The following PLEKHM2 variants were observed in gnomAD, a reference collection of about 807,000 sequenced individuals.
PLEKHM2 encodes the protein pleckstrin homology domain-containing family M member 2.
Under a neutral mutation model 116.3 loss-of-function variants are expected in PLEKHM2, and 77 were observed. The ratio of observed to expected loss-of-function variants is 0.66; its 90% CI spans 0.55 to 0.80. The LOEUF is 0.80. PLEKHM2 is among the 30% of genes least tolerant of loss of function. PLEKHM2 has a pLI of 0.00. For missense variants in PLEKHM2, 1,183 were observed against 1,354.9 expected, an observed-to-expected ratio of 0.87 and a Z score of 1.99; for synonymous variants, 562 against 571.0, an observed-to-expected ratio of 0.98 and a Z score of 0.22.
rs1001068516 is a variant in PLEKHM2 at position 15,727,813 on chromosome 1, G to A, written c.1741G>A (p.Val581Ile). ...DEGQGSPSEM[V>I]HSSEFRVDNN... Reference sequence around the variant, plus strand: ...GGGACAGGGGAGCCCTTCGGAGATGGTCCATTCCTCGGAGTTCAGGTAACA... The same window carrying A: ...GGGACAGGGGAGCCCTTCGGAGATGATCCATTCCTCGGAGTTCAGGTAACA... The change falls in exon 9 of 20, where the codon GTC becomes ATC. Residue 581 changes from valine (V) to isoleucine (I), a missense_variant. Physicochemically the swap from Val to Ile is conservative, Grantham distance 29. Coordinates refer to ENST00000375799, the MANE Select transcript of PLEKHM2 (RefSeq NM_015164.4). The surrounding 1 kb of genome is among the most constrained non-coding windows in gnomAD (Gnocchi z 7.5). 25 of 1,587,424 alleles carry A rather than the reference G, an allele frequency of 1.6e-5. No homozygotes were observed. Among genetic ancestry groups the A allele is most frequent in the Non-Finnish European group, 2.1e-5 (25 of 1,166,430 alleles).
chr1:15,694,455 T>C (rs1034014766), intron 1 of PLEKHM2, among the ~76,000 whole-genome samples: 1 of 152,084 alleles, frequency 6.6e-6, no homozygotes, highest in South Asian at 2.1e-4. Flanking sequence ...GGCCCCGAGC[T>C]CTCCTCCTTG....
intron 1 of PLEKHM2, among the ~76,000 whole-genome samples, chr1:15,690,997 G>T (rs1640878017): frequency 6.6e-6 from 1 of 152,246 alleles, no homozygotes; most frequent in Non-Finnish European, 1.5e-5. Flanking sequence ...GATCAGGGAA[G>T]ATTCCCTAAG....
chr1:15,727,411 G>C lies in PLEKHM2; in HGVS notation c.1339G>C (p.Glu447Gln). The C allele has an allele frequency of 3.7e-6, 6 of 1,605,536 alleles. No individual in the cohort carries two copies. The highest frequency in any genetic ancestry group is 5.1e-6 in the Non-Finnish European group (6 of 1,176,778). ...GACCGGCTCTCCCGGGGATGCCCCG[G>C]AGAGGCCGCCGCTTTGCGACTTTAG... is the stretch of plus-strand genomic sequence containing the variant. Reference protein sequence around the residue: ...FRTGSPGDAPERPPLCDFSEG... With the variant: ...FRTGSPGDAPQRPPLCDFSEG... The change falls in exon 9 of 20, where the codon GAG (glutamate) becomes CAG (glutamine). Residue 447 changes from glutamate (E) to glutamine (Q), a missense_variant. This residue lies in a region of PLEKHM2 where 372 missense variants were observed against 357.2 expected (regional missense o/e 1.04). Transcript: ENST00000375799. This position sits in a 1 kb window ranked among gnomAD's most constrained non-coding sequence, Gnocchi z 7.5.
At position 15,733,788 on chromosome 1, in the gene PLEKHM2, C is replaced by T. The variant is rs770736460; in HGVS notation, c.2923-9C>T. The T allele has an allele frequency of 9.3e-6, 15 of 1,612,316 alleles. No homozygotes were observed. The South Asian group carries it at 1.4e-4, about 15-fold the overall frequency. On this transcript the variant is annotated splice_polypyrimidine_tract_variant and intron_variant, in intron 19 of 19. Coordinates refer to ENST00000375799, the MANE Select transcript of PLEKHM2 (RefSeq NM_015164.4). ...GGCCCTCATCTGTTCTCTGCACGCCCCAACACAGGTGGACCTCCCCCACAC... is the reference window on the plus strand; with the variant it reads ...GGCCCTCATCTGTTCTCTGCACGCCTCAACACAGGTGGACCTCCCCCACAC...
chr1:15,706,839 G>A lies in PLEKHM2; in HGVS notation c.61-9398G>A, dbSNP rs117276475. On this transcript the variant is annotated intron_variant, in intron 1 of 19. Transcript: ENST00000375799. Reference sequence around the variant, plus strand: ...TTTGCACTAATTTATCTCTGCCACCGTGTCTGATATGTACATAGCAGGTGC... The same window carrying A: ...TTTGCACTAATTTATCTCTGCCACCATGTCTGATATGTACATAGCAGGTGC... Among the ~76,000 whole-genome samples, 135 of 152,170 alleles carry A rather than the reference G, an allele frequency of 8.9e-4. 2 individuals carry two copies. In the East Asian group the frequency reaches 0.023, roughly 25 times the overall value.
intron 1 of PLEKHM2, among the ~76,000 whole-genome samples, chr1:15,708,940 T>C (rs567621361): frequency 6.6e-6 from 1 of 152,318 alleles, no homozygotes; most frequent in African/African-American, 2.4e-5. Context: ...TTGGTAAACA[T>C]AGTATAAGCA....
At chr1:15,699,014 A>T (rs1296368794) in intron 1 of PLEKHM2, among the ~76,000 whole-genome samples, 1 of 152,066 alleles carries the variant, frequency 6.6e-6, no homozygotes, top group Non-Finnish European at 1.5e-5. Context: ...GTGGAACCTC[A>T]GGTGAAGGAT....
chr1:15,696,541 G>C (rs1641000889), intron 1 of PLEKHM2, among the ~76,000 whole-genome samples: 2 of 152,084 alleles, frequency 1.3e-5, no homozygotes, highest in South Asian at 4.1e-4. Flanking sequence ...AGTAGAGACG[G>C]GGTTTCATCA....
chr1:15,695,978 ATAT>A (rs1640987779), intron 1 of PLEKHM2, among the ~76,000 whole-genome samples: 1 of 46,796 alleles, frequency 2.1e-5, no homozygotes, highest in Non-Finnish European at 3.4e-5. Context: ...AATTTTTTCT[ATAT>A]TTTTTTTTTT....
chr1:15,700,672 A>C (rs1641091623), intron 1 of PLEKHM2, among the ~76,000 whole-genome samples: 1 of 152,200 alleles, frequency 6.6e-6, no homozygotes, highest in African/African-American at 2.4e-5. Flanking sequence ...TCTGCTTCCT[A>C]ACCAAATGGT....
intron 1 of PLEKHM2, among the ~76,000 whole-genome samples, chr1:15,687,525 T>A (rs1423656727): frequency 6.6e-6 from 1 of 152,190 alleles, no homozygotes; most frequent in East Asian, 1.9e-4. Flanking sequence ...GTAGCTTTTT[T>A]CTTTGTGCAA....
Position 15,728,011 on chromosome 1 carries a change from G to A in PLEKHM2, c.1761-68G>A, listed in dbSNP as rs1389472121. ...GGCGGAGGCACTACCCCCTGGCTCT[G>A]GGGTGGGGTGTGGCCTCTCTCACCG... On this transcript the variant is annotated intron_variant, in intron 9 of 19. Coordinates refer to ENST00000375799, the MANE Select transcript of PLEKHM2 (RefSeq NM_015164.4). The surrounding 1 kb of genome is among the most constrained non-coding windows in gnomAD (Gnocchi z 5.9). 1 of 1,369,680 alleles carries A rather than the reference G, an allele frequency of 7.3e-7. No individual in the cohort carries two copies. Among genetic ancestry groups the A allele is most frequent in the African/African-American group, 1.4e-5 (1 of 69,730 alleles). The allele number at this position is 1,369,680 out of a possible 1,614,324, so 84.8% of individuals were successfully genotyped here. A position where few individuals can be genotyped will look rare whatever the true frequency, so the allele number is the denominator to read the frequency against.
At chr1:15,724,842 G>A (rs1382262820) in intron 7 of PLEKHM2, among the ~76,000 whole-genome samples, 1 of 152,116 alleles carries the variant, frequency 6.6e-6, no homozygotes, top group Non-Finnish European at 1.5e-5. Context: ...AGGACTTTGG[G>A]CACCTCTCAG....
At chr1:15,726,218 T>C (rs2068062042) in intron 8 of PLEKHM2, among the ~76,000 whole-genome samples, 1 of 152,218 alleles carries the variant, frequency 6.6e-6, no homozygotes, top group Non-Finnish European at 1.5e-5. Context: ...ATACAATTTC[T>C]GAGATTCATT....
Position 15,706,952 on chromosome 1 carries a change from A to G in PLEKHM2, c.61-9285A>G, listed in dbSNP as rs79310699. Among the ~76,000 whole-genome samples, 1,136 of 152,290 alleles carry G rather than the reference A, an allele frequency of 7.5e-3. 16 individuals carry two copies. Among genetic ancestry groups the G allele is most frequent in the African/African-American group, 0.026 (1,072 of 41,556 alleles). On this transcript the variant is annotated intron_variant, in intron 1 of 19. Transcript: ENST00000375799. ...CTGAACTGAGCTTTGAGCAAGAGGC[A>G]GCTCCTCAGCCGAGCCTATCACAAG...
intron 1 of PLEKHM2, among the ~76,000 whole-genome samples, chr1:15,713,302 G>A (rs1641373261): frequency 6.6e-6 from 1 of 151,458 alleles, no homozygotes. Flanking sequence ...TTTTTCTTAG[G>A]TCTGTGTATA....
chr1:15,689,869 GC>G, intron 1 of PLEKHM2, among the ~76,000 whole-genome samples: 1 of 152,284 alleles, frequency 6.6e-6, no homozygotes, highest in East Asian at 1.9e-4. Flanking sequence ...TGATTCTCGA[GC>G]CTCAGCCTCC....
intron 1 of PLEKHM2, among the ~76,000 whole-genome samples, chr1:15,711,989 G>A (rs766157679): frequency 4.0e-5 from 6 of 151,668 alleles, no homozygotes; most frequent in Non-Finnish European, 5.9e-5. Context: ...ACGGTGGCGC[G>A]TGCCTGTAAT....
chr1:15,686,897 G>A (rs888947195), intron 1 of PLEKHM2, among the ~76,000 whole-genome samples: 3 of 151,978 alleles, frequency 2.0e-5, no homozygotes, highest in Non-Finnish European at 4.4e-5. Flanking sequence ...TGATCTGCCC[G>A]CTTCGGCCTC....
Sources: allele counts gnomAD v4.1 joint callset (sites outside exome capture counted in the v4.1 genomes callset), GRCh38; gene constraint gnomAD v4.1.1; regional missense constraint gnomAD v4.1.1; non-coding constraint Gnocchi (gnomAD v3.1); transcripts MANE v1.5; gene names NCBI Gene and HGNC (gene_info 2026-07-23, HGNC 2026-07-21).